DHX15: variants seen among roughly 807,000 people sequenced by gnomAD.
The protein encoded by DHX15 is ATP-dependent RNA helicase DHX15.
Under a neutral mutation model 94.4 loss-of-function variants are expected in DHX15, and 11 were observed. That is an observed-to-expected ratio of 0.12 (90% CI 0.07 to 0.19). DHX15 has a LOEUF of 0.19. Ranked by LOEUF, DHX15 falls within the 10% of genes least tolerant of loss-of-function variation. DHX15 has a pLI of 1.00. For missense variants in DHX15, 304 were observed against 988.5 expected (o/e 0.31, Z 9.29); for synonymous variants, 338 against 329.9 (o/e 1.02, Z -0.27).
chr4:24,574,747 G>A (rs972299637), intron 2 of DHX15, among the ~76,000 whole-genome samples: 2 of 152,158 alleles, frequency 1.3e-5, no homozygotes, highest in African/African-American at 4.8e-5. Flanking sequence ...CAGGGTTATA[G>A]AAAAACGTAA....
intron 1 of DHX15, chr4:24,580,896 G>T (rs189358602): frequency 6.6e-6 from 1 of 152,156 alleles, no homozygotes; most frequent in Non-Finnish European, 1.5e-5. Flanking sequence ...GTATAAGGAT[G>T]TTCATCAAAC....
chr4:24,543,773 AT>A (rs1336025602), intron 6 of DHX15, among the ~76,000 whole-genome samples: 3 of 151,714 alleles, frequency 2.0e-5, no homozygotes, highest in Non-Finnish European at 2.9e-5. Flanking sequence ...GTTACATATA[AT>A]TTTTTTTTAA....
chr4:24,571,080 A>C (rs568482983), intron 2 of DHX15, among the ~76,000 whole-genome samples: 1 of 152,304 alleles, frequency 6.6e-6, no homozygotes, highest in East Asian at 1.9e-4. Flanking sequence ...TCAGGAATAC[A>C]CTCGACAGTG....
chr4:24,549,660 G>A (rs950994191), intron 5 of DHX15, among the ~76,000 whole-genome samples: 7 of 152,110 alleles, frequency 4.6e-5, no homozygotes, highest in African/African-American at 1.2e-4. Flanking sequence ...GTGTATTCAC[G>A]AACCTAAACT....
chr4:24,583,346 T>G (rs1369446455), intron 1 of DHX15, among the ~76,000 whole-genome samples: 1 of 152,210 alleles, frequency 6.6e-6, no homozygotes, highest in East Asian at 1.9e-4. Context: ...TGTGTAAGTA[T>G]TTCAACTCTC....
At chr4:24,578,961 G>A (rs1297160310) in intron 1 of DHX15, among the ~76,000 whole-genome samples, 2 of 152,140 alleles carry the variant, frequency 1.3e-5, no homozygotes, top group Non-Finnish European at 1.5e-5. Context: ...AGTAAATCAT[G>A]TATTATATAT....
chr4:24,531,217 T>C (rs1221339444), intron 12 of DHX15, among the ~76,000 whole-genome samples: 1 of 151,800 alleles, frequency 6.6e-6, no homozygotes, highest in African/African-American at 2.4e-5. Flanking sequence ...GCCTCCCGAG[T>C]AGCTGGGACT....
chr4:24,537,380 C>CA lies in DHX15; in HGVS notation c.1787-208dup. ...GTAAGACAAGAGGGTTTCAAAGCTA[C>CA]AGAGTACCTGATTATTTTAACTAGA... On this transcript the variant is annotated intron_variant, in intron 10 of 13. Coordinates refer to ENST00000336812, the MANE Select transcript of DHX15 (RefSeq NM_001358.3). This position sits in a 1 kb window ranked among gnomAD's most constrained non-coding sequence, Gnocchi z 4.7. 1 of 502,236 alleles carries CA rather than the reference C, an allele frequency of 2.0e-6. No homozygotes were observed. Among genetic ancestry groups the CA allele is most frequent in the Non-Finnish European group, 3.4e-6 (1 of 293,994 alleles). 31.1% of individuals were successfully genotyped at this position (502,236 alleles called of 1,614,324 possible).
intron 5 of DHX15, among the ~76,000 whole-genome samples, chr4:24,551,286 G>A (rs578207193): frequency 6.6e-6 from 1 of 151,956 alleles, no homozygotes; most frequent in Admixed American, 6.6e-5. Context: ...CCAATCAGAA[G>A]CTACCCTTGT....
In DHX15 at chr4:24,548,710, T is replaced by C. The variant is rs147871655; in HGVS notation, c.1248+145A>G. 1,193 of 743,518 alleles carry C rather than the reference T, an allele frequency of 1.6e-3. 13 individuals carry two copies. The African/African-American group carries it at 0.019, about 12-fold the overall frequency. 46.1% of individuals were successfully genotyped at this position (743,518 alleles called of 1,614,324 possible). A position where few individuals can be genotyped will look rare whatever the true frequency, so the allele number is the denominator to read the frequency against. Reference sequence around the variant, plus strand: ...ATTCTTACTTTAGGGTCAAGAGATATGCGGAACCCTACAAATGGATATTAT... The same window carrying C: ...ATTCTTACTTTAGGGTCAAGAGATACGCGGAACCCTACAAATGGATATTAT... On this transcript the variant is annotated intron_variant, in intron 6 of 13. Coordinates refer to ENST00000336812, the MANE Select transcript of DHX15 (RefSeq NM_001358.3).
intron 5 of DHX15, among the ~76,000 whole-genome samples, chr4:24,552,117 G>A (rs1721622018): frequency 6.6e-6 from 1 of 152,162 alleles, no homozygotes; most frequent in African/African-American, 2.4e-5. Context: ...AACACTATCA[G>A]CTGAGAATGC....
intron 6 of DHX15, among the ~76,000 whole-genome samples, chr4:24,547,929 ATATATATATATATC>A (rs1322658475): frequency 5.6e-4 from 23 of 41,018 alleles, no homozygotes; most frequent in East Asian, 1.0e-3. Flanking sequence ...ATATATATAT[ATATATATATATATC>A]TATATCTATA....
rs747520780 is a variant in DHX15, at chr4:24,527,660, A to G, written c.*264T>C. 1.5e-5 allele frequency: 5 copies of G among 324,312 alleles called. No homozygotes were observed. Among genetic ancestry groups the G allele is most frequent in the Non-Finnish European group, 2.8e-5 (5 of 176,992 alleles). 20.1% of individuals were successfully genotyped at this position (324,312 alleles called of 1,614,324 possible). On this transcript the variant is annotated 3_prime_UTR_variant, in exon 14 of 14. Coordinates refer to ENST00000336812, the MANE Select transcript of DHX15 (RefSeq NM_001358.3). The stretch of plus-strand genomic sequence containing the variant: ...TTCAACCATTTCTAAAGAAATGCTT[A>G]TAACATTGTTATATATAGAACTACT...
At chr4:24,533,418 GA>G (rs1315245084) in intron 11 of DHX15, 1 of 279,676 alleles carries the variant, frequency 3.6e-6, no homozygotes, top group East Asian at 7.9e-5. Context: ...CATTTTCAAT[GA>G]AACTACAGCT....
chr4:24,562,131 C>CAAAA (rs71196191), intron 3 of DHX15, among the ~76,000 whole-genome samples: 1,875 of 77,668 alleles, frequency 0.024, 109 homozygotes, highest in Non-Finnish European at 0.037. Context: ...GACACTGTCT[C>CAAAA]AAAAAAAAAA....
At chr4:24,564,567 A>G (rs1463218568) in intron 3 of DHX15, among the ~76,000 whole-genome samples, 1 of 152,190 alleles carries the variant, frequency 6.6e-6, no homozygotes, top group Non-Finnish European at 1.5e-5. Flanking sequence ...TATTGGCTTG[A>G]CAGTTTTCCC....
intron 5 of DHX15, among the ~76,000 whole-genome samples, chr4:24,550,544 C>CAA (rs920742279): frequency 6.6e-6 from 1 of 152,058 alleles, no homozygotes; most frequent in African/African-American, 2.4e-5. Flanking sequence ...TTAAAAGACA[C>CAA]AAACACACAC....
chr4:24,538,592 T>C (rs1721240775), intron 10 of DHX15: 1 of 152,164 alleles, frequency 6.6e-6, no homozygotes, highest in Non-Finnish European at 1.5e-5. Flanking sequence ...CAAACTATTT[T>C]TTATTCCCTG....
Position 24,584,336 on chromosome 4 carries a change from C to G in DHX15, c.58G>C (p.Ala20Pro). 1 of 1,612,952 alleles carries G rather than the reference C, an allele frequency of 6.2e-7. No individual in the cohort carries two copies. The highest frequency in any genetic ancestry group is 8.5e-7 in the Non-Finnish European group (1 of 1,179,612). Reference protein sequence around the residue: ...GEDYPSGKKRAGTDGKDRDRD... With the variant: ...GEDYPSGKKRPGTDGKDRDRD... ...GGCCTGGCTTACCCATCGGTCCCCG[C>G]ACGCTTCTTGCCAGAGGGGTAATCC... Residue 20 changes from alanine (A) to proline (P), a missense_variant, in exon 1 of 14, where the codon GCG (alanine) becomes CCG (proline). Physicochemically the swap from Ala to Pro is conservative, Grantham distance 27 (BLOSUM62 -1). Around this residue, in one of 9 missense-constraint regions of DHX15, gnomAD observed 143 missense variants for 200.5 expected, o/e 0.71. Transcript: ENST00000336812.
Sources: allele counts gnomAD v4.1 joint callset (sites outside exome capture counted in the v4.1 genomes callset), GRCh38; gene constraint gnomAD v4.1.1; regional missense constraint gnomAD v4.1.1; non-coding constraint Gnocchi (gnomAD v3.1); transcripts MANE v1.5; gene names NCBI Gene and HGNC (gene_info 2026-07-23, HGNC 2026-07-21).